Variants in SVIL observed in about 807,000 individuals in gnomAD.
SVIL encodes the protein supervillin, also known as archvillin.
Under a neutral mutation model 240.4 loss-of-function variants are expected in SVIL, and 101 were observed. That is an observed-to-expected ratio of 0.42 (90% confidence interval 0.36 to 0.50). The LOEUF (loss-of-function observed/expected upper bound fraction) is 0.50, where lower values mean the gene tolerates loss of function less well. Ranked by LOEUF, SVIL falls within the 20% of genes least tolerant of loss-of-function variation. The pLI, the probability that SVIL is intolerant of heterozygous loss-of-function variation, is 0.01. For missense variants in SVIL, 2,512 were observed against 2,818.7 expected (o/e 0.89, Z 2.46); for synonymous variants, 999 against 1,100.0 (o/e 0.91, Z 1.82).
intron 7 of SVIL, among the ~76,000 whole-genome samples, chr10:29,534,346 A>G (rs1355706006): frequency 6.6e-6 from 1 of 152,082 alleles, no homozygotes; most frequent in East Asian, 1.9e-4. Context: ...CTACAAAAGT[A>G]AAAAACAATA....
intron 30 of SVIL, 147 bp downstream of exon 30, chr10:29,473,691 C>T: frequency 9.7e-7 from 1 of 1,025,680 alleles, no homozygotes; most frequent in East Asian, 2.6e-5. Context: ...CTGAGACCTG[C>T]AGAAGCCAGA....
rs567612129 is a variant in SVIL, at chr10:29,474,331, G to C, written c.5378-342C>G. ...TTCTTCAAAATATTTGGTGAGGCCA[G>C]GTGAATGGCTCATGCCTGTAATCCC... On this transcript the variant is annotated intron_variant, in intron 29 of 37. Transcript: ENST00000355867. 1.8e-3 allele frequency among the ~76,000 whole-genome samples: 274 copies of C among 152,296 alleles called. 12 individuals are homozygous for C. The South Asian group carries it at 0.056, about 31-fold the overall frequency.
At chr10:29,635,406 C>T (rs975272229), upstream of SVIL, among the ~76,000 whole-genome samples, 6 of 152,210 alleles carry the variant, frequency 3.9e-5, no homozygotes, top group African/African-American at 1.4e-4. Context: ...TTTACAAATT[C>T]TGTAACCTCT....
chr10:29,563,340 T>A, intron 2 of SVIL, 48 bp from the exon 3 acceptor site: 1 of 888,532 alleles, frequency 1.1e-6, no homozygotes, highest in Non-Finnish European at 1.3e-6. Context: ...AATAAAGATA[T>A]ATAAGTGAAA....
intron 16 of SVIL, among the ~76,000 whole-genome samples, chr10:29,514,032 C>T (rs563230448): frequency 7.4e-4 from 112 of 151,216 alleles, no homozygotes; most frequent in African/African-American, 2.7e-3. Flanking sequence ...TGAGCCGATG[C>T]TCAAACAATT....
In SVIL at chr10:29,471,089, C is replaced by G. The variant is rs755977646; in HGVS notation, c.5635+49G>C. ...AGCCCCCAGCTTATAAAAATTCTTT[C>G]CAAGAGAGGGAAAGGCAAAGTCGAA... is the stretch of plus-strand genomic sequence containing the variant. On this transcript the variant is annotated intron_variant, in intron 31 of 37. Transcript: ENST00000355867. 6.5e-6 allele frequency: 10 copies of G among 1,533,906 alleles called. No homozygotes were observed. In the East Asian group the frequency reaches 1.7e-4, roughly 26 times the overall value.
chr10:29,526,756 A>G (rs1203009862), intron 13 of SVIL, among the ~76,000 whole-genome samples: 1 of 152,244 alleles, frequency 6.6e-6, no homozygotes, highest in Non-Finnish European at 1.5e-5. Context: ...TAACATATGC[A>G]GAGAGACAAA....
chr10:29,551,840 G>A (rs1223687659), intron 5 of SVIL, among the ~76,000 whole-genome samples: 1 of 152,112 alleles, frequency 6.6e-6, no homozygotes, highest in Non-Finnish European at 1.5e-5. Context: ...GCCTGGCATA[G>A]TGGCTCACAC....
At chr10:29,549,834 G>A (rs1953079125) in intron 6 of SVIL, among the ~76,000 whole-genome samples, 1 of 126,092 alleles carries the variant, frequency 7.9e-6, no homozygotes, top group African/African-American at 3.1e-5. Context: ...AGAACACATG[G>A]ACACAGGAAG....
In SVIL at chr10:29,731,521, CAT is replaced by C. The variant is rs141188727; in HGVS notation, c.-400+4228_-400+4229del. Among the ~76,000 whole-genome samples the C allele has an allele frequency of 3.0e-3, 462 of 152,338 alleles. 6 individuals carry two copies. The highest frequency in any genetic ancestry group is 0.01 in the African/African-American group (424 of 41,570). On this transcript the variant is annotated intron_variant, in intron 1 of 35. Transcript: ENST00000375400. ...AAAATGTATAGAATTAAATCTGATT[CAT>C]ATGTCAATTTTTAAATAAACACTTA...
rs780071890 is a variant in SVIL at position 29,480,007 on chromosome 10, ACT to A, written c.5377+528_5377+529del. On this transcript the variant is annotated intron_variant, in intron 29 of 37. Coordinates refer to ENST00000355867, the MANE Select transcript of SVIL (RefSeq NM_021738.3). ...CCATCAGGAACCGAGGAGAGTTTAG[ACT>A]CTGCATTTACTACACCAGACCCACA... Among the ~76,000 whole-genome samples, 45 of 151,980 alleles carry A rather than the reference ACT, an allele frequency of 3.0e-4. 1 individual carries two copies. The highest frequency in any genetic ancestry group is 5.3e-4 in the Non-Finnish European group (36 of 67,964).
chr10:29,462,173 T>A (rs1222619985), intron 36 of SVIL, 104 bp downstream of exon 36: 22 of 1,399,732 alleles, frequency 1.6e-5, no homozygotes, highest in Non-Finnish European at 1.0e-5. Context: ...GGAAAAATAT[T>A]TTCCCACTCT....
Position 29,532,078 on chromosome 10 carries a change from G to C in SVIL, c.1933C>G (p.Pro645Ala). ...TCGGAAGTTTTTCTACTTTCACCAGGAGAAAAATAGCGTCTTGGTTTCCGG... is the reference window on the plus strand; with the variant it reads ...TCGGAAGTTTTTCTACTTTCACCAGCAGAAAAATAGCGTCTTGGTTTCCGG... ...GSRKPRRYFS[P>A]GESRKTSERF... is the part of the protein sequence containing the mutation. The change falls in exon 9 of 38, where the codon CCT becomes GCT. Residue 645 changes from proline to alanine, a missense_variant. Physicochemically the swap from Pro to Ala is conservative, Grantham distance 27. Transcript: ENST00000355867. The C allele has an allele frequency of 6.2e-7, 1 of 1,614,126 alleles. No homozygotes were observed. Among genetic ancestry groups the C allele is most frequent in the Non-Finnish European group, 8.5e-7 (1 of 1,179,978 alleles).
At chr10:29,490,438 A>G (rs893704015) in intron 22 of SVIL, among the ~76,000 whole-genome samples, 1 of 152,186 alleles carries the variant, frequency 6.6e-6, no homozygotes, top group African/African-American at 2.4e-5. Context: ...ACTTCCAGAA[A>G]AAAACTCAAC....
At chr10:29,708,988 A>T (rs1447874794) in intron 1 of SVIL, among the ~76,000 whole-genome samples, 2 of 146,592 alleles carry the variant, frequency 1.4e-5, no homozygotes, top group Non-Finnish European at 3.0e-5. Flanking sequence ...GTCTCCCAGA[A>T]CACAAAGCAA....
intron 36 of SVIL, among the ~76,000 whole-genome samples, chr10:29,460,618 A>G (rs1433608861): frequency 6.6e-6 from 1 of 152,190 alleles, no homozygotes; most frequent in African/African-American, 2.4e-5. Context: ...GGCATCTCCA[A>G]TAGTATCAAA....
intron 5 of SVIL, among the ~76,000 whole-genome samples, chr10:29,554,264 AGG>A (rs1360099241): frequency 6.6e-6 from 1 of 151,942 alleles, no homozygotes; most frequent in Non-Finnish European, 1.5e-5. Flanking sequence ...TGAGCTTATC[AGG>A]CCACTGCACT....
intron 3 of SVIL, among the ~76,000 whole-genome samples, chr10:29,557,179 T>C (rs1284259064): frequency 1.3e-5 from 2 of 151,668 alleles, no homozygotes; most frequent in Non-Finnish European, 2.9e-5. Context: ...CACTGCAGCC[T>C]CAACTTCCCA....
At chr10:29,460,231 A>C (rs1435360734) in intron 36 of SVIL, among the ~76,000 whole-genome samples, 1 of 152,134 alleles carries the variant, frequency 6.6e-6, no homozygotes, top group Non-Finnish European at 1.5e-5. Flanking sequence ...GAATAATAAT[A>C]AGATATCTTG....
Sources: gnomAD v4.1 joint callset for allele counts (sites outside exome capture counted in the v4.1 genomes callset) on GRCh38, gnomAD v4.1.1 for gene constraint, MANE v1.5 for transcripts, NCBI Gene and HGNC (gene_info 2026-07-23, HGNC 2026-07-21) for gene names.